The following BICD1 variants were observed in gnomAD, a reference collection of about 807,000 sequenced individuals.
BICD1 encodes the protein protein bicaudal D homolog 1.
A neutral mutation model predicts 92.5 loss-of-function variants in BICD1; 35 were observed. The observed-to-expected ratio is 0.38, with a 90% CI of 0.29 to 0.50. BICD1 has a LOEUF of 0.50. BICD1 is among the 20% of genes least tolerant of loss of function. The pLI, the probability that BICD1 is intolerant of heterozygous loss-of-function variation, is 0.93. For missense variants in BICD1, 950 were observed against 1,189.8 expected (o/e 0.80, Z 2.97); for synonymous variants, 429 against 465.1 (o/e 0.92, Z 1.00).
chr12:32,264,956 A>G (rs1394184504), intron 2 of BICD1, among the ~76,000 whole-genome samples: 1 of 152,140 alleles, frequency 6.6e-6, no homozygotes, highest in African/African-American at 2.4e-5. Flanking sequence ...GTACACAGAA[A>G]GGGCTTAAGC....
chr12:32,225,631 T>TTTTTTGTTTTG (rs1565600358), intron 2 of BICD1, among the ~76,000 whole-genome samples: 7 of 139,386 alleles, frequency 5.0e-5, no homozygotes, highest in Admixed American at 4.6e-4. Context: ...GTTTTTTTTT[T>TTTTTTGTTTTG]TTTTTTTTTT....
At chr12:32,356,410 G>C (rs1390809779) in intron 8 of BICD1, among the ~76,000 whole-genome samples, 1 of 152,132 alleles carries the variant, frequency 6.6e-6, no homozygotes, top group Admixed American at 6.5e-5. Flanking sequence ...CCAGCGCTTT[G>C]GGAGGCTGAG....
intron 1 of BICD1, among the ~76,000 whole-genome samples, chr12:32,158,041 C>T (rs1943490754): frequency 6.6e-6 from 1 of 151,398 alleles, no homozygotes; most frequent in Non-Finnish European, 1.5e-5. Flanking sequence ...TGGCTCACAC[C>T]TGTAATCCCA....
intron 1 of BICD1, among the ~76,000 whole-genome samples, chr12:32,187,944 A>AT (rs35813557): frequency 0.47 from 69,259 of 147,318 alleles, 16,242 homozygotes; most frequent in Admixed American, 0.57. Flanking sequence ...CTATAAATGC[A>AT]TTTTTTTTTT....
chr12:32,161,537 C>T (rs1342276955), intron 1 of BICD1, among the ~76,000 whole-genome samples: 1 of 152,138 alleles, frequency 6.6e-6, no homozygotes, highest in Non-Finnish European at 1.5e-5. Flanking sequence ...CTGATCATAA[C>T]TTACCATAGT....
At chr12:32,233,990 A>G (rs1296582155) in intron 2 of BICD1, among the ~76,000 whole-genome samples, 1 of 152,246 alleles carries the variant, frequency 6.6e-6, no homozygotes, top group African/African-American at 2.4e-5. Context: ...ATACTTGAGC[A>G]ACCTAATGAA....
intron 1 of BICD1, among the ~76,000 whole-genome samples, chr12:32,160,677 CTTATA>C (rs1943571120): frequency 6.6e-6 from 1 of 152,098 alleles, no homozygotes; most frequent in Admixed American, 6.5e-5. Flanking sequence ...GCTTTTCTGT[CTTATA>C]TTCATTCATT....
intron 8 of BICD1, chr12:32,339,472 T>C: frequency 1.0e-6 from 1 of 985,602 alleles, no homozygotes; most frequent in Non-Finnish European, 1.2e-6. Flanking sequence ...AAGATTTTGC[T>C]CCTCAAGAAC....
intron 1 of BICD1, among the ~76,000 whole-genome samples, chr12:32,131,993 G>T (rs1030546017): frequency 3.3e-5 from 5 of 152,192 alleles, no homozygotes; most frequent in Non-Finnish European, 7.3e-5. Context: ...TGAGGGCCAG[G>T]CATGGCCTTT....
At chr12:32,178,749 T>A (rs1223127909) in intron 1 of BICD1, among the ~76,000 whole-genome samples, 1 of 151,968 alleles carries the variant, frequency 6.6e-6, no homozygotes, top group Admixed American at 6.6e-5. Flanking sequence ...GGTGGCTTGT[T>A]GGTCTGAGCA....
In BICD1 at chr12:32,198,163, C is replaced by T. The variant is rs181687247; in HGVS notation, c.214-18084C>T. The stretch of plus-strand genomic sequence containing the variant: ...GAGGTTGCGGTGAGCTGAGATCGTG[C>T]CATTGTACTCCAGCCTGGGCATCAA... On this transcript the variant is annotated intron_variant, in intron 1 of 9. Coordinates refer to ENST00000652176, the MANE Select transcript of BICD1 (RefSeq NM_001714.4). Among the ~76,000 whole-genome samples the T allele has an allele frequency of 4.3e-4, 65 of 151,636 alleles. No homozygotes were observed. In the East Asian group the frequency reaches 0.012, roughly 27 times the overall value.
At chr12:32,198,198 T>A (rs918931899) in intron 1 of BICD1, among the ~76,000 whole-genome samples, 6 of 150,952 alleles carry the variant, frequency 4.0e-5, no homozygotes, top group Non-Finnish European at 5.9e-5. Flanking sequence ...AGAGCAAAAC[T>A]TCGTCTGAAA....
chr12:32,107,170 G>A lies in BICD1; in HGVS notation c.-162G>A, dbSNP rs1592304740. ...CAGTTTCTCGGGCGGTGTAGCTGCC[G>A]CTGCCACCAGAGCCGGCGGGGCATC... On this transcript the variant is annotated 5_prime_UTR_variant, in exon 1 of 10. Coordinates refer to ENST00000652176, the MANE Select transcript of BICD1 (RefSeq NM_001714.4). 7.4e-6 allele frequency: 5 copies of A among 679,132 alleles called. No homozygotes were observed. Among genetic ancestry groups the A allele is most frequent in the Non-Finnish European group, 1.2e-5 (5 of 402,936 alleles). 42.1% of individuals were successfully genotyped at this position (679,132 alleles called of 1,614,324 possible). A position where few individuals can be genotyped will look rare whatever the true frequency, so the allele number is the denominator to read the frequency against.
chr12:32,294,884 C>T (rs1050004181), intron 3 of BICD1, among the ~76,000 whole-genome samples: 6 of 151,702 alleles, frequency 4.0e-5, no homozygotes, highest in African/African-American at 1.2e-4. Flanking sequence ...GAGTTTGAGA[C>T]CAGTCTGGCC....
At chr12:32,273,643 G>A (rs1010270702) in intron 2 of BICD1, among the ~76,000 whole-genome samples, 5 of 152,178 alleles carry the variant, frequency 3.3e-5, no homozygotes, top group African/African-American at 1.2e-4. Flanking sequence ...GGTGCCTCAA[G>A]GCAGTTTCAG....
intron 1 of BICD1, among the ~76,000 whole-genome samples, chr12:32,168,005 G>GGTGTGTGT (rs1943822039): frequency 1.1e-5 from 1 of 89,050 alleles, no homozygotes; most frequent in South Asian, 6.4e-4. Flanking sequence ...AAAAGGAGAT[G>GGTGTGTGT]GCGTGTGTGT....
At chr12:32,114,026 C>T (rs139357423) in intron 1 of BICD1, among the ~76,000 whole-genome samples, 98 of 152,146 alleles carry the variant, frequency 6.4e-4, no homozygotes, top group African/African-American at 2.0e-3. Flanking sequence ...CGCGCCACCA[C>T]GCCTGGCTAG....
At chr12:32,163,864 C>T (rs187546093) in intron 1 of BICD1, among the ~76,000 whole-genome samples, 2 of 152,290 alleles carry the variant, frequency 1.3e-5, no homozygotes, top group South Asian at 2.1e-4. Flanking sequence ...CCCAAGACCC[C>T]TGCGTTATCA....
At chr12:32,293,967 T>C (rs261878) in intron 2 of BICD1, 27 bp from the exon 3 acceptor site, 855,507 of 1,599,024 alleles carry the variant, frequency 0.54, 233,446 homozygotes, top group Non-Finnish European at 0.57. Flanking sequence ...GAGAGTTATA[T>C]ATTGACTGTT....
Sources: allele counts gnomAD v4.1 joint callset (sites outside exome capture counted in the v4.1 genomes callset), GRCh38; gene constraint gnomAD v4.1.1; transcripts MANE v1.5; gene names NCBI Gene and HGNC (gene_info 2026-07-23, HGNC 2026-07-21).